Variants in CLEC2A observed in about 807,000 individuals in gnomAD.
CLEC2A encodes keratinocyte-associated C-type lectin.
Under a neutral mutation model 18.6 loss-of-function variants are expected in CLEC2A, and 19 were observed. The observed-to-expected ratio is 1.02, with a 90% confidence interval of 0.71 to 1.50. The LOEUF (loss-of-function observed/expected upper bound fraction) is 1.50. Ranked by LOEUF, CLEC2A falls within the 40% of genes most tolerant of loss-of-function variation. The pLI, the probability that CLEC2A is intolerant of heterozygous loss-of-function variation, is 0.00. For missense variants in CLEC2A, 190 were observed against 207.9 expected (o/e 0.91, Z 0.53); for synonymous variants, 74 against 64.0 (o/e 1.16, Z -0.75).
At chr12:9,921,907 G>C (rs1325555480) in intron 3 of CLEC2A, among the ~76,000 whole-genome samples, 159 bp downstream of exon 3, 1 of 152,158 alleles carries the variant, frequency 6.6e-6, no homozygotes, top group Non-Finnish European at 1.5e-5. Context: ...GCTGTCTCAA[G>C]GGTGGCAGAG....
At chr12:9,920,763 A>G (rs946609743) in intron 3 of CLEC2A, among the ~76,000 whole-genome samples, 1 of 152,188 alleles carries the variant, frequency 6.6e-6, no homozygotes, top group African/African-American at 2.4e-5. Flanking sequence ...CTGTGTCCCT[A>G]GAGTCCACGT....
At chr12:9,906,987 C>T (rs1395089991) in intron 4 of CLEC2A, among the ~76,000 whole-genome samples, 1 of 152,164 alleles carries the variant, frequency 6.6e-6, no homozygotes, top group African/African-American at 2.4e-5. Flanking sequence ...CACCTCCCTG[C>T]CTTTTGGTTT....
At chr12:9,914,524 C>A (rs1591790723) in intron 4 of CLEC2A, among the ~76,000 whole-genome samples, 1 of 152,120 alleles carries the variant, frequency 6.6e-6, no homozygotes, top group East Asian at 1.9e-4. Context: ...ACATACAGAC[C>A]AATGGAACAG....
At chr12:9,903,461 A>T (rs1203755185) in intron 4 of CLEC2A, among the ~76,000 whole-genome samples, 2 of 152,224 alleles carry the variant, frequency 1.3e-5, no homozygotes, top group Non-Finnish European at 2.9e-5. Flanking sequence ...TGAAGGGATC[A>T]TTTATTCCTG....
At chr12:9,911,266 T>C (rs913078614), downstream of CLEC2A, among the ~76,000 whole-genome samples, 2 of 152,094 alleles carry the variant, frequency 1.3e-5, no homozygotes, top group Non-Finnish European at 2.9e-5. Context: ...GAGGCTGACA[T>C]GTCTAGGCAT....
At chr12:9,917,077 T>C (rs1863084408) in intron 3 of CLEC2A, among the ~76,000 whole-genome samples, 1 of 152,206 alleles carries the variant, frequency 6.6e-6, no homozygotes, top group South Asian at 2.1e-4. Flanking sequence ...TGATATTGTA[T>C]GTTTTTTCAT....
the CLEC2A span, among the ~76,000 whole-genome samples, chr12:9,890,699 C>G: frequency 6.6e-6 from 1 of 152,206 alleles, no homozygotes; most frequent in Non-Finnish European, 1.5e-5. Flanking sequence ...TCAAAATCAA[C>G]AGATGGGGAC....
chr12:9,930,313 G>T (rs1472141765), intron 1 of CLEC2A, among the ~76,000 whole-genome samples: 6 of 152,244 alleles, frequency 3.9e-5, no homozygotes, highest in South Asian at 4.1e-4. Flanking sequence ...GGTAGAGGGG[G>T]TTAGAGCCTC....
intron 1 of CLEC2A, among the ~76,000 whole-genome samples, chr12:9,931,350 A>G (rs932007564): frequency 6.6e-6 from 1 of 152,194 alleles, no homozygotes; most frequent in Non-Finnish European, 1.5e-5. Flanking sequence ...ACTATGACCA[A>G]TAGTTAGAAT....
At chr12:9,877,914 T>C in the CLEC2A span, among the ~76,000 whole-genome samples, 1 of 152,178 alleles carries the variant, frequency 6.6e-6, no homozygotes, top group Non-Finnish European at 1.5e-5. Flanking sequence ...GCACAAATAG[T>C]TAACCCATAA....
chr12:9,917,942 T>C (rs892542253), intron 3 of CLEC2A, among the ~76,000 whole-genome samples: 2 of 152,060 alleles, frequency 1.3e-5, no homozygotes, highest in Non-Finnish European at 2.9e-5. Context: ...CCAATTTTAA[T>C]AGGGTTGTTT....
chr12:9,902,904 A>G (rs1162967134), intron 4 of CLEC2A, among the ~76,000 whole-genome samples: 4 of 152,114 alleles, frequency 2.6e-5, no homozygotes, highest in African/African-American at 7.2e-5. Context: ...TAAACTTTCT[A>G]TATAAGGTAG....
downstream of CLEC2A, among the ~76,000 whole-genome samples, chr12:9,895,263 C>G (rs1395328630): frequency 6.6e-6 from 1 of 152,100 alleles, no homozygotes; most frequent in African/African-American, 2.4e-5. Context: ...ATTTATGCTG[C>G]TATGTGGAGA....
intron 1 of CLEC2A, 114 bp downstream of exon 1, chr12:9,932,161 C>T: frequency 2.7e-6 from 2 of 748,126 alleles, no homozygotes; most frequent in Non-Finnish European, 2.3e-6. Flanking sequence ...CTTCCCCATC[C>T]CTCACTTACT....
At chr12:9,919,756 G>A (rs1863133567) in intron 3 of CLEC2A, among the ~76,000 whole-genome samples, 1 of 152,150 alleles carries the variant, frequency 6.6e-6, no homozygotes, top group East Asian at 1.9e-4. Flanking sequence ...TCTGATACCT[G>A]TAGGTACCAA....
chr12:9,904,547 G>A (rs761017282), intron 4 of CLEC2A, among the ~76,000 whole-genome samples: 18 of 152,206 alleles, frequency 1.2e-4, no homozygotes, highest in Non-Finnish European at 2.2e-4. Context: ...GGAGGAGAGC[G>A]CTGAGCCTGA....
downstream of CLEC2A, among the ~76,000 whole-genome samples, chr12:9,894,048 T>A (rs1377544020): frequency 6.6e-6 from 1 of 151,872 alleles, no homozygotes; most frequent in African/African-American, 2.4e-5. Flanking sequence ...TTTTCTTTCT[T>A]TCTTTCTCTT....
chr12:9,893,112 C>T, the CLEC2A span: 19 of 1,535,478 alleles, frequency 1.2e-5, no homozygotes, highest in Admixed American at 2.0e-5. Flanking sequence ...AGAGAGTCAA[C>T]GTGATTGTAC....
At chr12:9,905,998 T>C (rs2137021121) in intron 4 of CLEC2A, among the ~76,000 whole-genome samples, 1 of 151,274 alleles carries the variant, frequency 6.6e-6, no homozygotes, top group East Asian at 1.9e-4. Context: ...CAAGTGGTGA[T>C]TTTCTTGGAG....
Sources: gnomAD v4.1 joint callset for allele counts (sites outside exome capture counted in the v4.1 genomes callset) on GRCh38, gnomAD v4.1.1 for gene constraint, MANE v1.5 for transcripts, NCBI Gene and HGNC (gene_info 2026-07-23, HGNC 2026-07-21) for gene names.